Variants in RNF6 observed in about 807,000 individuals in gnomAD.
RNF6 encodes the protein ring finger protein 6, also known as E3 ubiquitin-protein ligase RNF6.
A neutral mutation model predicts 50.1 loss-of-function variants in RNF6; 21 were observed. That is an observed-to-expected ratio of 0.42 (90% CI 0.30 to 0.60). RNF6 has a LOEUF of 0.60. RNF6 is among the 20% of genes least tolerant of loss of function. The probability of loss-of-function intolerance (pLI) is 0.20; values close to 1 mark genes in which losing one functional copy is unlikely to be tolerated. For missense variants in RNF6, 698 were observed against 838.2 expected, an observed-to-expected ratio of 0.83 and a Z score of 2.07; for synonymous variants, 255 against 291.8, an observed-to-expected ratio of 0.87 and a Z score of 1.29.
At chr13:26,157,501 C>T (rs931646369) in intron 5 of RNF6, among the ~76,000 whole-genome samples, 1 of 151,966 alleles carries the variant, frequency 6.6e-6, no homozygotes, top group African/African-American at 2.4e-5. Flanking sequence ...GTGTTATTAT[C>T]TCTAGTATAC....
downstream of RNF6, among the ~76,000 whole-genome samples, chr13:26,210,578 T>C (rs909303323): frequency 1.3e-5 from 2 of 152,170 alleles, no homozygotes; most frequent in East Asian, 1.9e-4. Context: ...ATCAGACATA[T>C]GATAGAACAA....
At chr13:26,165,646 G>A (rs557158165) in intron 5 of RNF6, among the ~76,000 whole-genome samples, 2 of 152,340 alleles carry the variant, frequency 1.3e-5, no homozygotes, top group South Asian at 2.1e-4. Context: ...TGACCTGTAT[G>A]TGAAACATGG....
chr13:26,132,696 C>G (rs908381880), intron 5 of RNF6, among the ~76,000 whole-genome samples: 1 of 152,156 alleles, frequency 6.6e-6, no homozygotes, highest in African/African-American at 2.4e-5. Flanking sequence ...GTTTTCATCA[C>G]CTGTACTGAA....
intron 5 of RNF6, among the ~76,000 whole-genome samples, chr13:26,133,245 T>C (rs751545940): frequency 3.3e-5 from 5 of 152,222 alleles, no homozygotes; most frequent in African/African-American, 4.8e-5. Flanking sequence ...TAAAGTGTCA[T>C]TTTTCTCTCA....
chr13:26,176,984 G>C (rs1872986446), intron 5 of RNF6, among the ~76,000 whole-genome samples: 1 of 152,098 alleles, frequency 6.6e-6, no homozygotes, highest in African/African-American at 2.4e-5. Flanking sequence ...TGAAGACAGA[G>C]ACACAAAGTG....
chr13:26,137,796 C>G (rs1329710650), intron 5 of RNF6, among the ~76,000 whole-genome samples: 2 of 151,714 alleles, frequency 1.3e-5, no homozygotes, highest in African/African-American at 4.8e-5. Context: ...CTGAAATGAC[C>G]CAGTGTGTGA....
chr13:26,215,226 G>T lies in RNF6; in HGVS notation c.656C>A (p.Ser219Ter). Residue 219 changes from serine (S) to a stop codon, truncating the protein, a stop_gained, in exon 5 of 5, where the codon TCA becomes TAA. Transcript: ENST00000381588. LOFTEE classifies it high-confidence loss of function. ...SSNIPRTRLA[S>*]RGQNPAEGSF... Reference sequence around the variant, plus strand: ...TCCTTCAGCTGGATTTTGCCCCCTTGAAGCAAGCCTAGTCCTTGGAATGTT... The same window carrying T: ...TCCTTCAGCTGGATTTTGCCCCCTTTAAGCAAGCCTAGTCCTTGGAATGTT... The T allele has an allele frequency of 6.2e-7, 1 of 1,614,158 alleles. No individual in the cohort carries two copies. The highest frequency in any genetic ancestry group is 8.5e-7 in the Non-Finnish European group (1 of 1,180,030).
intron 5 of RNF6, among the ~76,000 whole-genome samples, chr13:26,162,096 G>A (rs977150691): frequency 3.3e-5 from 5 of 152,140 alleles, no homozygotes; most frequent in Admixed American, 2.0e-4. Context: ...CCTTTCCAGG[G>A]CTAGCCAATT....
chr13:26,215,887 G>T (rs1593196873), intron 4 of RNF6, among the ~76,000 whole-genome samples: 1 of 152,004 alleles, frequency 6.6e-6, no homozygotes, highest in South Asian at 2.1e-4. Context: ...AAAATACTAA[G>T]GCAAATGAGA....
intron 5 of RNF6, among the ~76,000 whole-genome samples, chr13:26,206,374 C>CA (rs1365263463): frequency 4.6e-5 from 7 of 152,334 alleles, no homozygotes; most frequent in African/African-American, 1.4e-4. Context: ...ACAGTGTCTG[C>CA]AGCAGGCTGT....
chr13:26,137,453 AT>A (rs1870707648), intron 5 of RNF6, among the ~76,000 whole-genome samples: 1 of 152,118 alleles, frequency 6.6e-6, no homozygotes, highest in African/African-American at 2.4e-5. Flanking sequence ...ACAAGTAAGT[AT>A]CTTGCATCTT....
chr13:26,158,004 G>A (rs1460478731), intron 5 of RNF6, among the ~76,000 whole-genome samples: 6 of 148,662 alleles, frequency 4.0e-5, no homozygotes, highest in Non-Finnish European at 8.9e-5. Flanking sequence ...GATAGAAGAA[G>A]TCATTGGATG....
At chr13:26,162,881 A>T (rs189224793) in intron 5 of RNF6, among the ~76,000 whole-genome samples, 1 of 152,380 alleles carries the variant, frequency 6.6e-6, no homozygotes, top group East Asian at 1.9e-4. Flanking sequence ...TCTGTAGCAC[A>T]TTGATTCCAA....
At chr13:26,144,758 C>A (rs1003365135) in intron 5 of RNF6, 2 of 152,228 alleles carry the variant, frequency 1.3e-5, no homozygotes, top group Non-Finnish European at 2.9e-5. Flanking sequence ...CCCGTAAGGC[C>A]AGAAGTACAG....
chr13:26,182,465 A>G (rs1035226945), intron 5 of RNF6, among the ~76,000 whole-genome samples: 1 of 152,226 alleles, frequency 6.6e-6, no homozygotes, highest in Non-Finnish European at 1.5e-5. Context: ...TCTAATTAAA[A>G]TAGTGTTTTC....
chr13:26,208,590 G>C (rs1869197435), downstream of RNF6, among the ~76,000 whole-genome samples: 1 of 152,138 alleles, frequency 6.6e-6, no homozygotes, highest in South Asian at 2.1e-4. Flanking sequence ...ATTCCTATGA[G>C]ATCTTTTAGT....
chr13:26,178,186 C>T (rs974354090), intron 5 of RNF6, among the ~76,000 whole-genome samples: 1 of 152,086 alleles, frequency 6.6e-6, no homozygotes, highest in Non-Finnish European at 1.5e-5. Flanking sequence ...GAGACTCCAC[C>T]TCAAAAAATA....
intron 5 of RNF6, among the ~76,000 whole-genome samples, chr13:26,187,868 C>T (rs146512196): frequency 2.6e-4 from 40 of 152,294 alleles, no homozygotes; most frequent in Admixed American, 4.6e-4. Context: ...GGACTACAGG[C>T]GTGTGCCACC....
chr13:26,199,629 T>C (rs1469924592), intron 5 of RNF6, among the ~76,000 whole-genome samples: 1 of 152,138 alleles, frequency 6.6e-6, no homozygotes. Context: ...TCTACAGACA[T>C]ATATTTGTAT....
Sources: gnomAD v4.1 joint callset for allele counts (sites outside exome capture counted in the v4.1 genomes callset) on GRCh38, gnomAD v4.1.1 for gene constraint, MANE v1.5 for transcripts, NCBI Gene and HGNC (gene_info 2026-07-23, HGNC 2026-07-21) for gene names.